Variants in SEPTIN3 observed in about 807,000 individuals in gnomAD.
SEPTIN3 encodes neuronal-specific septin-3.
Under a neutral mutation model 45.1 loss-of-function variants are expected in SEPTIN3, and 15 were observed. That is an observed-to-expected ratio of 0.33 (90% CI 0.22 to 0.51). The LOEUF is 0.51. Ranked by LOEUF, SEPTIN3 falls within the 20% of genes least tolerant of loss-of-function variation. SEPTIN3 has a pLI of 0.97. For synonymous variants in SEPTIN3, 148 were observed against 164.8 expected (o/e 0.90, Z 0.78); for missense variants, 289 against 457.2 (o/e 0.63, Z 3.35).
intron 2 of SEPTIN3, chr22:41,977,156 G>A: frequency 7.0e-7 from 1 of 1,437,128 alleles, no homozygotes; most frequent in South Asian, 1.3e-5. Flanking sequence ...GCTCCTGGGG[G>A]AGGGTTTCCG....
intron 6 of SEPTIN3, 90 bp downstream of exon 6, chr22:41,987,849 G>A: frequency 7.0e-7 from 1 of 1,422,060 alleles, no homozygotes; most frequent in Non-Finnish European, 9.6e-7. Context: ...CGTTGACTCA[G>A]CTAGGCCTCC....
intron 4 of SEPTIN3, 111 bp from the exon 5 acceptor site, chr22:41,987,095 C>A: frequency 2.7e-6 from 2 of 747,666 alleles, no homozygotes; most frequent in African/African-American, 1.8e-5. Context: ...TTGACTTTTC[C>A]AATAACTGAT....
At chr22:41,987,395 T>A in intron 5 of SEPTIN3, 108 bp downstream of exon 5, 1 of 1,182,510 alleles carries the variant, frequency 8.5e-7, no homozygotes, top group Non-Finnish European at 1.2e-6. Flanking sequence ...CCATGCTCTG[T>A]AGTTCCCGAC....
chr22:41,988,572 G>A (rs1161424572), intron 6 of SEPTIN3, among the ~76,000 whole-genome samples: 2 of 152,158 alleles, frequency 1.3e-5, no homozygotes, highest in African/African-American at 2.4e-5. Context: ...AGACCCCTGG[G>A]CTAGACCCAG....
chr22:41,996,741 G>A (rs1210559890), intron 11 of SEPTIN3, 161 bp from the exon 12 acceptor site: 34 of 1,505,026 alleles, frequency 2.3e-5, no homozygotes, highest in Admixed American at 4.5e-5. Flanking sequence ...GACCAGCAGG[G>A]GAAGATCTAT....
intron 4 of SEPTIN3, among the ~76,000 whole-genome samples, chr22:41,986,534 T>C (rs764583251): frequency 6.6e-6 from 1 of 151,796 alleles, no homozygotes; most frequent in Non-Finnish European, 1.5e-5. Flanking sequence ...GAGTCTTGCT[T>C]TGTCGCCCAG....
chr22:41,978,371 C>T (rs1049219177), intron 2 of SEPTIN3, among the ~76,000 whole-genome samples: 2 of 152,164 alleles, frequency 1.3e-5, no homozygotes, highest in African/African-American at 4.8e-5. Flanking sequence ...AGGGTGAGAA[C>T]TAGTACGTAT....
chr22:41,994,157 A>C lies in SEPTIN3; in HGVS notation c.2360-133A>C, dbSNP rs2078377923. On this transcript the variant is annotated intron_variant, in intron 9 of 11. Transcript: ENST00000644076. This position sits in a 1 kb window ranked among gnomAD's most constrained non-coding sequence, Gnocchi z 4.2. ...ACACCCAAGTGAGCAAATCTCTGGA[A>C]GGGTTACAAAAAATGACCTGTCCCA... 1.4e-6 allele frequency: 1 copy of C among 717,044 alleles called. No individual in the cohort carries two copies. Among genetic ancestry groups the C allele is most frequent in the East Asian group, 2.6e-5 (1 of 38,112 alleles). 44.4% of individuals were successfully genotyped at this position (717,044 alleles called of 1,614,324 possible).
chr22:41,994,317 C>T lies in SEPTIN3; in HGVS notation c.2387C>T (p.Ala796Val), dbSNP rs2078383156. ...GAAAACCTCAACCACTGTGAGTTTG[C>T]CCTGCTTCGAGACTTTGTCATCAGG... ...EVENLNHCEF[A>V]LLRDFVIRTH... The change falls in exon 10 of 12, where the codon GCC becomes GTC. Residue 796 changes from alanine to valine, a missense_variant. By Grantham distance (64) the Ala-to-Val change is moderately conservative. Around this residue, in one of 3 missense-constraint regions of SEPTIN3, gnomAD observed 84 missense variants for 114.7 expected, o/e 0.73. Transcript: ENST00000644076. The surrounding 1 kb of genome is among the most constrained non-coding windows in gnomAD (Gnocchi z 4.2). The T allele has an allele frequency of 6.2e-7, 1 of 1,614,016 alleles. No homozygotes were observed. Among genetic ancestry groups the T allele is most frequent in the Non-Finnish European group, 8.5e-7 (1 of 1,180,020 alleles).
chr22:41,990,745 C>CAAAAAAAAAAAAAAAAAAAAA, intron 7 of SEPTIN3, among the ~76,000 whole-genome samples: 1 of 96,556 alleles, frequency 1.0e-5, no homozygotes, highest in African/African-American at 4.7e-5. Context: ...CACTCTATCT[C>CAAAAAAAAAAAAAAAAAAAAA]AAAAAAAAAA....
At chr22:41,996,381 C>T (rs2078438290) in intron 11 of SEPTIN3, 2 of 985,668 alleles carry the variant, frequency 2.0e-6, no homozygotes, top group Non-Finnish European at 2.4e-6. Flanking sequence ...AACCTTCTGT[C>T]CCATCTCCTG....
chr22:41,975,098 C>G (rs957377184), intron 2 of SEPTIN3, among the ~76,000 whole-genome samples: 1 of 152,100 alleles, frequency 6.6e-6, no homozygotes, highest in African/African-American at 2.4e-5. Context: ...CCCCCACCCC[C>G]AGCCCTTTAA....
At chr22:41,991,363 C>A (rs947799332) in intron 7 of SEPTIN3, among the ~76,000 whole-genome samples, 1 of 152,168 alleles carries the variant, frequency 6.6e-6, no homozygotes, top group African/African-American at 2.4e-5. Context: ...TGGCCTCTTC[C>A]TCCTCTCAGG....
chr22:41,985,946 G>T (rs1439769439), intron 3 of SEPTIN3, 38 bp from the exon 4 acceptor site: 2 of 1,569,260 alleles, frequency 1.3e-6, no homozygotes, highest in East Asian at 2.3e-5. Context: ...GGAGGTGGAT[G>T]CAGAGTCTCC....
chr22:41,994,826 C>G lies in SEPTIN3; in HGVS notation c.2505+112C>G. The G allele has an allele frequency of 6.2e-7, 1 of 1,604,116 alleles. No individual in the cohort carries two copies. The highest frequency in any genetic ancestry group is 8.5e-7 in the Non-Finnish European group (1 of 1,176,472). On this transcript the variant is annotated intron_variant, in intron 11 of 11. Transcript: ENST00000644076. This position sits in a 1 kb window ranked among gnomAD's most constrained non-coding sequence, Gnocchi z 4.2. ...ACATCCCAAATACCACCACCAACCA[C>G]CTTCTTCCTCTCAACTCTGTCCCAC...
intron 2 of SEPTIN3, among the ~76,000 whole-genome samples, chr22:41,973,281 G>A: frequency 6.6e-6 from 1 of 152,062 alleles, no homozygotes; most frequent in Admixed American, 6.6e-5. Flanking sequence ...CAGCACTCTG[G>A]GAGGCTGAGA....
chr22:41,986,046 A>G lies in SEPTIN3; in HGVS notation c.1759A>G (p.Lys587Glu), dbSNP rs1468028794. 4.3e-6 allele frequency: 7 copies of G among 1,613,708 alleles called. No individual in the cohort carries two copies. Among genetic ancestry groups the G allele is most frequent in the Non-Finnish European group, 5.9e-6 (7 of 1,179,864 alleles). Residue 587 changes from lysine (K) to glutamate (E), a missense_variant, in exon 4 of 12, where the codon AAG (lysine) becomes GAG (glutamate). Physicochemically the swap from Lys to Glu is moderately conservative, Grantham distance 56 (BLOSUM62 1). Around this residue, in one of 3 missense-constraint regions of SEPTIN3, gnomAD observed 200 missense variants for 315.1 expected, o/e 0.63. Transcript: ENST00000644076. ...GCTCTTCAAATCCCAAGTGAGCCGC[A>G]AGGCCTCCAGCTGGAACCGGGAGGA... ...NTLFKSQVSRKASSWNREEKI... is the reference protein window; with the variant it reads ...NTLFKSQVSREASSWNREEKI...
Position 41,982,108 on chromosome 22 carries a change from G to A in SEPTIN3, c.1696+272G>A, listed in dbSNP as rs184268985. 1.2e-3 allele frequency: 570 copies of A among 456,540 alleles called. 7 individuals carry two copies. The highest frequency in any genetic ancestry group is 9.0e-3 in the East Asian group (245 of 27,352). 28.3% of individuals were successfully genotyped at this position (456,540 alleles called of 1,614,324 possible). ...CCTTCACCACTCTGATCCTGCTTTTGGGTTTGTGACATGAGAGAATCAGCA... is the reference window on the plus strand; with the variant it reads ...CCTTCACCACTCTGATCCTGCTTTTAGGTTTGTGACATGAGAGAATCAGCA... On this transcript the variant is annotated intron_variant, in intron 3 of 11. Coordinates refer to ENST00000644076, the MANE Select transcript of SEPTIN3 (RefSeq NM_001363845.2).
In SEPTIN3 at chr22:41,994,685, C is replaced by A; in HGVS notation, c.2476C>A (p.Arg826=). The A allele has an allele frequency of 6.2e-7, 1 of 1,614,126 alleles. No individual in the cohort carries two copies. Among genetic ancestry groups the A allele is most frequent in the South Asian group, 1.1e-5 (1 of 91,086 alleles). ...CCACTATGAGACTTACAGGGCCAAG[C>A]GGCTCAATGACAATGGAGGCCTCCC... is the stretch of plus-strand genomic sequence containing the variant. ...NIHYETYRAK[R]LNDNGGLPPG... The change falls in exon 11 of 12, where the codon CGG becomes AGG. Residue 826 remains arginine (R), a synonymous_variant. Transcript: ENST00000644076. The surrounding 1 kb of genome is among the most constrained non-coding windows in gnomAD (Gnocchi z 4.2).
Sources: gnomAD v4.1 joint callset for allele counts (sites outside exome capture counted in the v4.1 genomes callset) on GRCh38, gnomAD v4.1.1 for gene constraint, gnomAD v4.1.1 regional missense constraint, Gnocchi (gnomAD v3.1) non-coding constraint, MANE v1.5 for transcripts, NCBI Gene and HGNC (gene_info 2026-07-23, HGNC 2026-07-21) for gene names.